The following WDR27 variants were observed in gnomAD, a reference collection of about 807,000 sequenced individuals.
WDR27 encodes the protein WD repeat domain 27.
A neutral mutation model predicts 114.4 loss-of-function variants in WDR27; 100 were observed. The observed-to-expected ratio is 0.87, with a 90% CI of 0.74 to 1.03. WDR27 has a LOEUF of 1.03. Among genes scored for constraint, WDR27 ranks in the 50% least tolerant of loss-of-function variants. The pLI is 0.00. For missense variants in WDR27, 1,129 were observed against 1,092.9 expected (o/e 1.03, Z -0.47); for synonymous variants, 449 against 423.1 (o/e 1.06, Z -0.75).
At chr6:169,474,211 G>A (rs980026860) in intron 25 of WDR27, among the ~76,000 whole-genome samples, 4 of 152,236 alleles carry the variant, frequency 2.6e-5, no homozygotes, top group African/African-American at 9.6e-5. Flanking sequence ...GTGTTGCCTA[G>A]TAATATTCCT....
the WDR27 span, chr6:169,426,542 G>GA: frequency 6.6e-6 from 1 of 152,058 alleles, no homozygotes; most frequent in Non-Finnish European, 1.5e-5. Flanking sequence ...GCTATTAAAA[G>GA]AAAAAAGCTG....
At chr6:169,661,008 C>T (rs1584988614) in intron 9 of WDR27, among the ~76,000 whole-genome samples, 1 of 148,428 alleles carries the variant, frequency 6.7e-6, no homozygotes, top group Middle Eastern at 3.6e-3. Context: ...GGAGCGTGGG[C>T]GTTGGGCCCC....
At position 169,648,145 on chromosome 6, in the gene WDR27, T is replaced by C. The variant is rs143892610; in HGVS notation, c.1560-275A>G. ...TTGCTGTGTTTCATATAAACTCATG[T>C]GAGTACTGTGACGATTTGGGGGTGA... On this transcript the variant is annotated intron_variant, in intron 15 of 25. Transcript: ENST00000448612. 2.6e-5 allele frequency among the ~76,000 whole-genome samples: 4 copies of C among 152,344 alleles called. No individual in the cohort carries two copies. In the East Asian group the frequency reaches 5.8e-4, roughly 22 times the overall value.
At chr6:169,636,582 T>C in intron 18 of WDR27, 78 bp from the exon 19 acceptor site, 4 of 1,409,334 alleles carry the variant, frequency 2.8e-6, no homozygotes, top group Non-Finnish European at 3.8e-6. Context: ...TAAAATTATT[T>C]CTTCTTAAAA....
chr6:169,443,196 C>T, the WDR27 span, among the ~76,000 whole-genome samples: 2 of 152,194 alleles, frequency 1.3e-5, no homozygotes, highest in Non-Finnish European at 2.9e-5. Context: ...TCCCCTGCCA[C>T]GTCAGCCACA....
intron 25 of WDR27, among the ~76,000 whole-genome samples, chr6:169,501,234 G>A (rs1214149574): frequency 2.0e-5 from 3 of 152,196 alleles, no homozygotes; most frequent in African/African-American, 7.2e-5. Context: ...ATCCACCTGC[G>A]GATTGAAGCA....
intron 25 of WDR27, among the ~76,000 whole-genome samples, chr6:169,522,858 A>G (rs1794547374): frequency 6.6e-6 from 1 of 151,994 alleles, no homozygotes; most frequent in Admixed American, 6.6e-5. Flanking sequence ...ATAATTCAAA[A>G]AAGTAGAAAG....
At chr6:169,653,921 G>T (rs1318646445) in intron 13 of WDR27, among the ~76,000 whole-genome samples, 2 of 152,204 alleles carry the variant, frequency 1.3e-5, no homozygotes, top group Admixed American at 6.5e-5. Context: ...CTGGTCCCAG[G>T]CTGCTGGCCC....
At chr6:169,531,458 A>T (rs1387755798) in intron 25 of WDR27, among the ~76,000 whole-genome samples, 2 of 152,156 alleles carry the variant, frequency 1.3e-5, no homozygotes, top group African/African-American at 4.8e-5. Context: ...TTCAGTAGTA[A>T]CTTGTCAAAT....
intron 25 of WDR27, among the ~76,000 whole-genome samples, chr6:169,504,751 G>C (rs1283269231): frequency 6.6e-6 from 1 of 151,984 alleles, no homozygotes; most frequent in Non-Finnish European, 1.5e-5. Flanking sequence ...TGAGTAGCTG[G>C]GACAACAGGC....
At chr6:169,485,854 T>G (rs571966550) in intron 25 of WDR27, among the ~76,000 whole-genome samples, 1 of 152,344 alleles carries the variant, frequency 6.6e-6, no homozygotes, top group East Asian at 1.9e-4. Context: ...TCATGTCCTT[T>G]GCAGGGATGC....
At chr6:169,563,010 G>A (rs1252638448) in intron 25 of WDR27, among the ~76,000 whole-genome samples, 1 of 152,144 alleles carries the variant, frequency 6.6e-6, no homozygotes, top group Non-Finnish European at 1.5e-5. Flanking sequence ...TGGGTCTAAA[G>A]GAGACACGCT....
rs572492835 is a variant in WDR27, at chr6:169,502,945, T to C, written c.2646-45311A>G. ...TTCTATAGGCTTCCCCCAAACACTT[T>C]TGACAGGTCCATGAAAGTACTGGCA... On this transcript the variant is annotated intron_variant, in intron 25 of 25. Transcript: ENST00000448612. Among the ~76,000 whole-genome samples the C allele has an allele frequency of 1.1e-4, 16 of 152,304 alleles. No homozygotes were observed. In the East Asian group the frequency reaches 2.9e-3, roughly 28 times the overall value.
At chr6:169,523,035 A>G (rs1794573523) in intron 25 of WDR27, among the ~76,000 whole-genome samples, 1 of 152,012 alleles carries the variant, frequency 6.6e-6, no homozygotes, top group Admixed American at 6.6e-5. Context: ...GGTTTTACTG[A>G]CAAACATTTG....
At chr6:169,656,762 A>C (rs770167127) in intron 13 of WDR27, among the ~76,000 whole-genome samples, 1 of 152,234 alleles carries the variant, frequency 6.6e-6, no homozygotes, top group Non-Finnish European at 1.5e-5. Context: ...CTTCTCAGCC[A>C]TCTTCACACC....
chr6:169,646,609 A>G (rs1481882353), intron 16 of WDR27, among the ~76,000 whole-genome samples: 1 of 152,118 alleles, frequency 6.6e-6, no homozygotes, highest in East Asian at 1.9e-4. Flanking sequence ...TTAGCCAGGC[A>G]TGGTGGTGCA....
intron 24 of WDR27, among the ~76,000 whole-genome samples, chr6:169,577,415 G>C (rs1802568128): frequency 6.6e-6 from 1 of 151,578 alleles, no homozygotes; most frequent in Non-Finnish European, 1.5e-5. Context: ...AAGGGGACTT[G>C]GCGGGTATGG....
intron 10 of WDR27, among the ~76,000 whole-genome samples, chr6:169,660,322 G>T (rs182685865): frequency 8.6e-4 from 131 of 152,304 alleles, no homozygotes; most frequent in African/African-American, 2.9e-3. Flanking sequence ...GGGGCTCTGG[G>T]AGGCTCTCTA....
intron 9 of WDR27, 42 bp from the exon 10 acceptor site, chr6:169,660,808 T>C (rs775786227): frequency 5.1e-6 from 8 of 1,573,104 alleles, no homozygotes; most frequent in South Asian, 2.2e-5. Context: ...AATAATCTTA[T>C]TCCTGAAGGT....
Sources: gnomAD v4.1 joint callset for allele counts (sites outside exome capture counted in the v4.1 genomes callset) on GRCh38, gnomAD v4.1.1 for gene constraint, MANE v1.5 for transcripts, NCBI Gene and HGNC (gene_info 2026-07-23, HGNC 2026-07-21) for gene names.